The following PXYLP1 variants were observed in gnomAD, a reference collection of about 807,000 sequenced individuals.
PXYLP1 encodes the protein 2-phosphoxylose phosphatase 1.
Under a neutral mutation model 37.9 loss-of-function variants are expected in PXYLP1, and 17 were observed. That is an observed-to-expected ratio of 0.45 (90% CI 0.31 to 0.67). The LOEUF (loss-of-function observed/expected upper bound fraction) is 0.67. Ranked by LOEUF, PXYLP1 falls within the 30% of genes least tolerant of loss-of-function variation. The pLI is 0.07. For synonymous variants in PXYLP1, 221 were observed against 232.2 expected (o/e 0.95, Z 0.44); for missense variants, 511 against 612.0 (o/e 0.84, Z 1.74).
At chr3:141,246,602 C>A (rs1258830332) in intron 1 of PXYLP1, among the ~76,000 whole-genome samples, 1 of 152,160 alleles carries the variant, frequency 6.6e-6, no homozygotes, top group Non-Finnish European at 1.5e-5. Context: ...GTAGTGAGTC[C>A]TCCATTCATT....
intron 2 of PXYLP1, among the ~76,000 whole-genome samples, chr3:141,261,416 A>G (rs1054408806): frequency 3.3e-5 from 5 of 152,198 alleles, no homozygotes; most frequent in African/African-American, 1.2e-4. Flanking sequence ...GGTGTTACAT[A>G]AGCATAAACC....
rs1162150153 is a variant in PXYLP1 at position 141,292,677 on chromosome 3, TG to T, written c.916del (p.Val306SerfsTer18). The T allele has an allele frequency of 6.2e-7, 1 of 1,613,702 alleles. No homozygotes were observed. Among genetic ancestry groups the T allele is most frequent in the African/African-American group, 1.3e-5 (1 of 74,916 alleles). On this transcript the variant is annotated frameshift_variant, in exon 6 of 6. Transcript: ENST00000286353. LOFTEE classifies it high-confidence loss of function. This position sits in a 1 kb window ranked among gnomAD's most constrained non-coding sequence, Gnocchi z 4.3. ...DSMLCHFCHN[V>X]SFPCTRNGCV... The stretch of plus-strand genomic sequence containing the variant: ...CCATGCTCTGCCACTTCTGCCACAA[TG>T]TCAGCTTTCCCTGTACCAGAAATGG...
At position 141,279,420 on chromosome 3, in the gene PXYLP1, TCATTCGCCACGGAGACAGGTACC is replaced by T; in HGVS notation, c.284_306del (p.Ile95ThrfsTer13). 1 of 1,614,244 alleles carries T rather than the reference TCATTCGCCACGGAGACAGGTACC, an allele frequency of 6.2e-7. No homozygotes were observed. The highest frequency in any genetic ancestry group is 8.5e-7 in the Non-Finnish European group (1 of 1,180,042). ...TTTAAGCTGGTCTCAGTGCATGTGT[TCATTCGCCACGGAGACAGGTACC>T]CACTGTATGTCATTCCCAAAACAAA... On this transcript the variant is annotated frameshift_variant, in exon 4 of 6. Transcript: ENST00000286353. LOFTEE classifies it high-confidence loss of function.
intron 4 of PXYLP1, among the ~76,000 whole-genome samples, chr3:141,285,524 C>CAA (rs371946030): frequency 6.7e-6 from 1 of 149,870 alleles, no homozygotes; most frequent in African/African-American, 2.4e-5. Flanking sequence ...ACAACAACAA[C>CAA]AAAAAAAAAC....
intron 1 of PXYLP1, among the ~76,000 whole-genome samples, chr3:141,248,134 T>C (rs1230594311): frequency 1.3e-5 from 2 of 150,002 alleles, no homozygotes; most frequent in African/African-American, 4.9e-5. Context: ...GCAGTTCTCC[T>C]GCCTTAGCCT....
chr3:141,252,850 G>T (rs933821676), intron 1 of PXYLP1, among the ~76,000 whole-genome samples: 2 of 152,184 alleles, frequency 1.3e-5, no homozygotes, highest in Non-Finnish European at 2.9e-5. Flanking sequence ...AGGTGAGAGA[G>T]GGTCTGTGGT....
chr3:141,248,620 C>CACACACGTGTATATAT (rs1941035753), intron 1 of PXYLP1, among the ~76,000 whole-genome samples: 2 of 75,554 alleles, frequency 2.6e-5, no homozygotes, highest in African/African-American at 1.6e-4. Flanking sequence ...CGTATATATA[C>CACACACGTGTATATAT]ACACACGTAT....
intron 2 of PXYLP1, among the ~76,000 whole-genome samples, chr3:141,275,379 C>T (rs9840622): frequency 0.44 from 66,482 of 152,070 alleles, 17,797 homozygotes; most frequent in South Asian, 0.61. Context: ...AGGACACCCA[C>T]TGTCCTCACC....
intron 1 of PXYLP1, among the ~76,000 whole-genome samples, chr3:141,236,691 T>C (rs557776162): frequency 2.0e-5 from 3 of 152,334 alleles, no homozygotes; most frequent in South Asian, 4.1e-4. Context: ...TCTGCAGACA[T>C]AGGAGAATCT....
intron 2 of PXYLP1, chr3:141,272,908 A>G (rs1009652093): frequency 3.4e-6 from 3 of 894,200 alleles, no homozygotes; most frequent in Non-Finnish European, 2.7e-6. Flanking sequence ...CAGCACACTC[A>G]TAGACACACC....
chr3:141,261,121 T>C (rs1576588083), intron 2 of PXYLP1, among the ~76,000 whole-genome samples: 1 of 152,330 alleles, frequency 6.6e-6, no homozygotes, highest in East Asian at 1.9e-4. Context: ...CTTGAACCTG[T>C]CTCCCTCCCT....
At chr3:141,232,636 G>C (rs763035468) in intron 1 of PXYLP1, among the ~76,000 whole-genome samples, 2 of 152,234 alleles carry the variant, frequency 1.3e-5, no homozygotes, top group Non-Finnish European at 2.9e-5. Flanking sequence ...ACTTGCCTAT[G>C]TCCTGATCTT....
intron 1 of PXYLP1, among the ~76,000 whole-genome samples, chr3:141,249,250 G>A (rs937654116): frequency 2.6e-5 from 4 of 152,186 alleles, no homozygotes; most frequent in Non-Finnish European, 5.9e-5. Flanking sequence ...ACAGGGTCTT[G>A]CCAAAGCTCT....
At position 141,292,313 on chromosome 3, in the gene PXYLP1, A is replaced by C; in HGVS notation, c.551A>C (p.Tyr184Ser). Residue 184 changes from tyrosine (Y) to serine (S), a missense_variant, in exon 6 of 6, where the codon TAT (tyrosine) becomes TCT (serine). Physicochemically the swap from Tyr to Ser is moderately radical, Grantham distance 144 (BLOSUM62 -2). Coordinates refer to ENST00000286353, the MANE Select transcript of PXYLP1 (RefSeq NM_001037172.3). This position sits in a 1 kb window ranked among gnomAD's most constrained non-coding sequence, Gnocchi z 4.3. ...AACGGTCAGCTGCTGAGGGATATCTATCTAAAGAAACACAAACTCCTGCCC... is the reference window on the plus strand; with the variant it reads ...AACGGTCAGCTGCTGAGGGATATCTCTCTAAAGAAACACAAACTCCTGCCC... ...LQNGQLLRDIYLKKHKLLPND... is the reference protein window; with the variant it reads ...LQNGQLLRDISLKKHKLLPND... 6.2e-7 allele frequency: 1 copy of C among 1,612,324 alleles called. No individual in the cohort carries two copies.
intron 1 of PXYLP1, among the ~76,000 whole-genome samples, chr3:141,251,305 T>C (rs923643640): frequency 2.6e-5 from 4 of 152,188 alleles, no homozygotes; most frequent in Non-Finnish European, 4.4e-5. Flanking sequence ...TCCATCTGCA[T>C]GGTGAAAGTT....
At chr3:141,259,526 C>T (rs150747424) in intron 1 of PXYLP1, among the ~76,000 whole-genome samples, 1,591 of 152,070 alleles carry the variant, frequency 0.01, 15 homozygotes, top group Non-Finnish European at 0.015. Context: ...CCCATGGATA[C>T]AGCTGAAACA....
intron 3 of PXYLP1, 75 bp downstream of exon 3, chr3:141,278,575 G>T (rs1372582131): frequency 1.9e-6 from 3 of 1,557,396 alleles, no homozygotes; most frequent in African/African-American, 2.7e-5. Context: ...ACAGCAGTAA[G>T]GAGCAAGATG....
intron 2 of PXYLP1, among the ~76,000 whole-genome samples, chr3:141,275,577 C>G (rs1174633210): frequency 6.6e-6 from 1 of 152,254 alleles, no homozygotes; most frequent in Non-Finnish European, 1.5e-5. Flanking sequence ...ACTGCCTTAG[C>G]ACTTTTCTAT....
chr3:141,249,897 A>G (rs1275990812), intron 1 of PXYLP1, among the ~76,000 whole-genome samples: 1 of 152,172 alleles, frequency 6.6e-6, no homozygotes, highest in Non-Finnish European at 1.5e-5. Flanking sequence ...TGAGTTAGTT[A>G]TTTTAGTCTG....
Sources: gnomAD v4.1 joint callset for allele counts (sites outside exome capture counted in the v4.1 genomes callset) on GRCh38, gnomAD v4.1.1 for gene constraint, Gnocchi (gnomAD v3.1) non-coding constraint, MANE v1.5 for transcripts, NCBI Gene and HGNC (gene_info 2026-07-23, HGNC 2026-07-21) for gene names.